Variants in CES1 observed in about 807,000 individuals in gnomAD.
CES1 encodes liver carboxylesterase 1.
CES1 carries 50 observed loss-of-function variants against 53.0 expected under a neutral mutation model. The observed-to-expected ratio is 0.94, with a 90% CI of 0.75 to 1.19. The LOEUF (loss-of-function observed/expected upper bound fraction) is 1.19. CES1 is among the 50% of genes most tolerant of loss of function. CES1 has a pLI of 0.00. For missense variants in CES1, 534 were observed against 538.0 expected (o/e 0.99, Z 0.07); for synonymous variants, 202 against 210.1 (o/e 0.96, Z 0.33).
chr16:55,815,338 C>T (rs2031892335), intron 8 of CES1, among the ~76,000 whole-genome samples: 1 of 152,130 alleles, frequency 6.6e-6, no homozygotes, highest in Non-Finnish European at 1.5e-5. Flanking sequence ...GGGTGACGTG[C>T]TCTAATTCTG....
chr16:55,821,328 C>T, intron 5 of CES1, 40 bp downstream of exon 5: 1 of 1,613,654 alleles, frequency 6.2e-7, no homozygotes, highest in Non-Finnish European at 8.5e-7. Context: ...ATCAGCATCA[C>T]ATCAAGCGTG....
chr16:55,812,874 G>C (rs781691349), intron 9 of CES1, 29 bp downstream of exon 9: 6 of 1,613,428 alleles, frequency 3.7e-6, no homozygotes, highest in Non-Finnish European at 5.1e-6. Context: ...GGGTGGTTGA[G>C]TCCCTCCAAC....
rs769307135 is a variant in CES1, at chr16:55,823,590, C to G, written c.499G>C (p.Val167Leu). ...ALAAHENVVV[V>L]TIQYRLGIWG... ...ATGCCCAGGCGATATTGAATGGTCA[C>G]CACCACCACGTTTTCATGGGCAGCA... Residue 167 changes from valine (V) to leucine (L), a missense_variant, in exon 4 of 14, where the codon GTG becomes CTG. Transcript: ENST00000360526. 1 of 1,613,790 alleles carries G rather than the reference C, an allele frequency of 6.2e-7. No individual in the cohort carries two copies. Among genetic ancestry groups the G allele is most frequent in the Non-Finnish European group, 8.5e-7 (1 of 1,179,832 alleles).
At chr16:55,811,981 T>C (rs1324528933) in intron 9 of CES1, among the ~76,000 whole-genome samples, 1 of 152,192 alleles carries the variant, frequency 6.6e-6, no homozygotes, top group Non-Finnish European at 1.5e-5. Flanking sequence ...GATGAAGACA[T>C]CCAGGTGGTC....
At chr16:55,820,536 A>C (rs2032132830) in intron 5 of CES1, 57 bp from the exon 6 acceptor site, 1 of 1,610,484 alleles carries the variant, frequency 6.2e-7, no homozygotes, top group African/African-American at 1.3e-5. Flanking sequence ...TCAGTGACTC[A>C]CTCGCTATTC....
chr16:55,818,712 C>T (rs1372273915), intron 7 of CES1, among the ~76,000 whole-genome samples: 1 of 151,948 alleles, frequency 6.6e-6, no homozygotes, highest in East Asian at 1.9e-4. Context: ...GTTTTGCTAC[C>T]TCTAACACCC....
In CES1 at chr16:55,826,151, C is replaced by T. The variant is rs762405614; in HGVS notation, c.405G>A (p.Pro135=). 8.7e-6 allele frequency: 14 copies of T among 1,613,846 alleles called. No individual in the cohort carries two copies. Among genetic ancestry groups the T allele is most frequent in the Middle Eastern group, 1.6e-4 (1 of 6,078 alleles). The change falls in exon 3 of 14, where the codon CCG becomes CCA. Residue 135 remains proline (P), a splice_region_variant and synonymous_variant. Transcript: ENST00000360526. ...PADLTKKNRL[P]VMVWIHGGGL... is the part of the protein sequence containing the mutation. ...TTGACCAGGGGGTCCCACAACTTAC[C>T]GGCAGCCTGTTTTTCTTGGTCAAGT...
At chr16:55,827,271 G>GAATAAT (rs1250018886) in intron 2 of CES1, among the ~76,000 whole-genome samples, 7 of 60,480 alleles carry the variant, frequency 1.2e-4, no homozygotes, top group African/African-American at 5.0e-4. Context: ...AGTGCAAGAG[G>GAATAAT]AATAACAATA....
In CES1 at chr16:55,829,090, G is replaced by C. The variant is rs2032538825; in HGVS notation, c.53-116C>G. ...TTAAATAAGTCACCTAAACCCTCTA[G>C]GCCTCAGTTTCTCTTGATGTACAAT... On this transcript the variant is annotated intron_variant, in intron 1 of 13. Coordinates refer to ENST00000360526, the MANE Select transcript of CES1 (RefSeq NM_001025195.2). 4.3e-6 allele frequency: 5 copies of C among 1,151,272 alleles called. No individual in the cohort carries two copies. In the South Asian group the frequency reaches 5.3e-5, roughly 12 times the overall value. 71.3% of individuals were successfully genotyped at this position (1,151,272 alleles called of 1,614,324 possible). A position where few individuals can be genotyped will look rare whatever the true frequency, so the allele number is the denominator to read the frequency against.
In CES1 at chr16:55,828,978, G is replaced by A; in HGVS notation, c.53-4C>T. The stretch of plus-strand genomic sequence containing the variant: ...GGTGGCGAGGACGGATGCCCTGCTG[G>A]ACATGGAGAATAAATCAGGATGCAT... On this transcript the variant is annotated splice_region_variant and splice_polypyrimidine_tract_variant and intron_variant, in intron 1 of 13. Transcript: ENST00000360526. 6.3e-7 allele frequency: 1 copy of A among 1,599,994 alleles called. No homozygotes were observed. Among genetic ancestry groups the A allele is most frequent in the East Asian group, 2.2e-5 (1 of 44,512 alleles).
chr16:55,817,749 T>C (rs1256292890), intron 7 of CES1, among the ~76,000 whole-genome samples: 1 of 141,404 alleles, frequency 7.1e-6, no homozygotes, highest in African/African-American at 3.1e-5. Flanking sequence ...TGTTTCTCTG[T>C]GTGTGTGTCT....
In CES1 at chr16:55,819,589, A is replaced by G; in HGVS notation, c.852T>C (p.Val284=). 9 of 1,614,150 alleles carry G rather than the reference A, an allele frequency of 5.6e-6. No individual in the cohort carries two copies. Among genetic ancestry groups the G allele is most frequent in the Non-Finnish European group, 7.6e-6 (9 of 1,180,026 alleles). ...GCKTTTSAVM[V]HCLRQKTEEE... ...CTTCCGTCTTCTGTCGCAGGCAGTG[A>G]ACCATGACAGCAGAGGTGGTGGTTT... Residue 284 remains valine, a synonymous_variant, in exon 7 of 14, where the codon GTT becomes GTC. Coordinates refer to ENST00000360526, the MANE Select transcript of CES1 (RefSeq NM_001025195.2).
intron 11 of CES1, among the ~76,000 whole-genome samples, chr16:55,809,707 G>C (rs75473591): frequency 6.6e-6 from 1 of 152,142 alleles, no homozygotes; most frequent in East Asian, 1.9e-4. Flanking sequence ...TCCCACACCC[G>C]CCCTGGCTCC....
intron 7 of CES1, among the ~76,000 whole-genome samples, 155 bp downstream of exon 7, chr16:55,819,380 A>G (rs2032076633): frequency 6.6e-6 from 1 of 152,150 alleles, no homozygotes; most frequent in Non-Finnish European, 1.5e-5. Context: ...CATTTGTGGC[A>G]TTTTACAATA....
chr16:55,825,156 G>C (rs1380448785), intron 3 of CES1, among the ~76,000 whole-genome samples: 2 of 151,102 alleles, frequency 1.3e-5, no homozygotes, highest in Non-Finnish European at 2.9e-5. Flanking sequence ...TGTATATGGG[G>C]CACTGAGTAC....
rs764621548 is a variant in CES1, at chr16:55,810,616, C to T, written c.1219G>A (p.Gly407Arg). ...TTCTTTTTGACAGTGTCGTCTGTTC[C>T]TCCTAAGTATTTCTCAGTGGCTTCT... ...IPEATEKYLG[G>R]TDDTVKKKDL... The change falls in exon 11 of 14, where the codon GGA (glycine) becomes AGA (arginine). Residue 407 changes from glycine to arginine, a missense_variant. Gly to Arg is a moderately radical substitution (Grantham distance 125). This residue lies in a region of CES1 where 269 missense variants were observed against 206.6 expected (regional missense o/e 1.30). Transcript: ENST00000360526. The T allele has an allele frequency of 6.2e-7, 1 of 1,614,150 alleles. No individual in the cohort carries two copies. The highest frequency in any genetic ancestry group is 8.5e-7 in the Non-Finnish European group (1 of 1,180,000).
intron 11 of CES1, among the ~76,000 whole-genome samples, chr16:55,808,456 G>T: frequency 6.6e-6 from 1 of 152,268 alleles, no homozygotes; most frequent in Non-Finnish European, 1.5e-5. Flanking sequence ...TTGTTGGTGG[G>T]GAAGGCTTAT....
intron 3 of CES1, among the ~76,000 whole-genome samples, chr16:55,824,790 G>A (rs1292485062): frequency 6.6e-6 from 1 of 152,204 alleles, no homozygotes; most frequent in East Asian, 1.9e-4. Flanking sequence ...CCATTTTGAG[G>A]AAACAGAGGC....
intron 4 of CES1, among the ~76,000 whole-genome samples, chr16:55,822,657 C>T (rs1375269925): frequency 6.6e-6 from 1 of 152,010 alleles, no homozygotes; most frequent in East Asian, 1.9e-4. Flanking sequence ...GAAACAGGGG[C>T]TCTGGCTGCT....
Sources: allele counts gnomAD v4.1 joint callset (sites outside exome capture counted in the v4.1 genomes callset), GRCh38; gene constraint gnomAD v4.1.1; regional missense constraint gnomAD v4.1.1; transcripts MANE v1.5; gene names NCBI Gene and HGNC (gene_info 2026-07-23, HGNC 2026-07-21).